The following PLEKHA3 variants were observed in gnomAD, a reference collection of about 807,000 sequenced individuals.
PLEKHA3 encodes the protein pleckstrin homology domain-containing family A member 3.
PLEKHA3 carries 19 observed loss-of-function variants against 39.2 expected under a neutral mutation model. The ratio of observed to expected loss-of-function variants is 0.48; its 90% confidence interval spans 0.34 to 0.71. PLEKHA3 has a LOEUF of 0.71. PLEKHA3 is among the 30% of genes least tolerant of loss of function. PLEKHA3 has a pLI of 0.01. For missense variants in PLEKHA3, 253 were observed against 359.5 expected (o/e 0.70, Z 2.40); for synonymous variants, 97 against 118.6 (o/e 0.82, Z 1.18).
rs1666882737 is a variant in PLEKHA3 at position 178,510,522 on chromosome 2, T to A, written c.*6635T>A. 1 of 153,782 alleles carries A rather than the reference T, an allele frequency of 6.5e-6. No homozygotes were observed. Among genetic ancestry groups the A allele is most frequent in the South Asian group, 2.1e-4 (1 of 4,834 alleles). 9.5% of individuals were successfully genotyped at this position (153,782 alleles called of 1,614,324 possible). A position where few individuals can be genotyped will look rare whatever the true frequency, so the allele number is the denominator to read the frequency against. ...GGCCTACCAGGAGGTGTTTAGGTCA[T>A]GTGGGTACCACCCTCATGAATAGAT... On this transcript the variant is annotated 3_prime_UTR_variant, in exon 8 of 8. Transcript: ENST00000234453.
chr2:178,500,784 T>A lies in PLEKHA3; in HGVS notation c.660-277T>A, dbSNP rs148402869. Among the ~76,000 whole-genome samples the A allele has an allele frequency of 3.3e-5, 5 of 152,172 alleles. No individual in the cohort carries two copies. In the East Asian group the frequency reaches 9.6e-4, roughly 29 times the overall value. Reference sequence around the variant, plus strand: ...TCAAACATTTGTAAACCGACTGATATGTCTGCTCTCTGGAGTCTCCCCTAC... The same window carrying A: ...TCAAACATTTGTAAACCGACTGATAAGTCTGCTCTCTGGAGTCTCCCCTAC... On this transcript the variant is annotated intron_variant, in intron 6 of 7. Coordinates refer to ENST00000234453, the MANE Select transcript of PLEKHA3 (RefSeq NM_019091.4).
At chr2:178,485,888 T>C in intron 2 of PLEKHA3, 131 bp downstream of exon 2, 1 of 601,798 alleles carries the variant, frequency 1.7e-6, no homozygotes, top group Admixed American at 2.5e-5. Context: ...TCCTTAGCAG[T>C]CAGGAGTGGC....
chr2:178,491,772 T>G (rs1162540124), intron 3 of PLEKHA3, among the ~76,000 whole-genome samples: 1 of 152,158 alleles, frequency 6.6e-6, no homozygotes, highest in African/African-American at 2.4e-5. Context: ...CTCATGGCCC[T>G]AGAGGCTGGA....
chr2:178,481,369 G>T (rs1351676909), intron 1 of PLEKHA3, among the ~76,000 whole-genome samples: 1 of 151,908 alleles, frequency 6.6e-6, no homozygotes, highest in African/African-American at 2.4e-5. Flanking sequence ...TATTTAAAAC[G>T]TTGTCTTGTT....
chr2:178,498,622 ATTCT>A (rs1340784849), intron 5 of PLEKHA3, among the ~76,000 whole-genome samples: 1 of 152,062 alleles, frequency 6.6e-6, no homozygotes, highest in Non-Finnish European at 1.5e-5. Flanking sequence ...TTAATTAGGT[ATTCT>A]TTATTTTTTT....
chr2:178,486,483 C>G (rs1685251942), intron 2 of PLEKHA3, among the ~76,000 whole-genome samples: 1 of 152,158 alleles, frequency 6.6e-6, no homozygotes. Flanking sequence ...GAATACTTGT[C>G]CTTCATGAAG....
intron 1 of PLEKHA3, among the ~76,000 whole-genome samples, chr2:178,484,390 C>T (rs1422512765): frequency 6.6e-6 from 1 of 152,178 alleles, no homozygotes; most frequent in Non-Finnish European, 1.5e-5. Flanking sequence ...TGTATTACTG[C>T]ATTCCCTGCC....
chr2:178,511,605 A>T lies in PLEKHA3; in HGVS notation c.*7718A>T, dbSNP rs1330209824. ...AGGGTGGTCTCAAACTCCTAAGCTC[A>T]GGAGATCCGCCTGCCTCAGCCTTTG... On this transcript the variant is annotated 3_prime_UTR_variant, in exon 8 of 8. Coordinates refer to ENST00000234453, the MANE Select transcript of PLEKHA3 (RefSeq NM_019091.4). 1 of 152,356 alleles carries T rather than the reference A, an allele frequency of 6.6e-6. No homozygotes were observed. The highest frequency in any genetic ancestry group is 1.5e-5 in the Non-Finnish European group (1 of 68,064). 9.4% of individuals were successfully genotyped at this position (152,356 alleles called of 1,614,324 possible). A position where few individuals can be genotyped will look rare whatever the true frequency, so the allele number is the denominator to read the frequency against.
chr2:178,503,723 G>T, intron 7 of PLEKHA3, 37 bp from the exon 8 acceptor site: 2 of 1,602,508 alleles, frequency 1.2e-6, no homozygotes, highest in South Asian at 2.2e-5. Flanking sequence ...AGTTAATATT[G>T]ACAGGATGTT....
In PLEKHA3 at chr2:178,508,852, G is replaced by C. The variant is rs1685641973; in HGVS notation, c.*4965G>C. The stretch of plus-strand genomic sequence containing the variant: ...TTCCTGTCAGTGGAGGTTGAGGGTG[G>C]GGCGTAGGCTGGCTGTGGAGAGTAG... On this transcript the variant is annotated 3_prime_UTR_variant, in exon 8 of 8. Coordinates refer to ENST00000234453, the MANE Select transcript of PLEKHA3 (RefSeq NM_019091.4). The C allele has an allele frequency of 6.5e-6, 1 of 153,754 alleles. No homozygotes were observed. The highest frequency in any genetic ancestry group is 2.1e-4 in the South Asian group (1 of 4,822). The allele number at this position is 153,754 out of a possible 1,614,324, so 9.5% of individuals were successfully genotyped here.
intron 6 of PLEKHA3, among the ~76,000 whole-genome samples, chr2:178,499,598 A>G (rs916547816): frequency 1.3e-5 from 2 of 152,148 alleles, no homozygotes; most frequent in African/African-American, 4.8e-5. Flanking sequence ...AGATTATAAT[A>G]CCATATTTTT....
chr2:178,488,215 G>A (rs748362120), intron 2 of PLEKHA3, among the ~76,000 whole-genome samples: 3 of 152,156 alleles, frequency 2.0e-5, no homozygotes, highest in Admixed American at 2.0e-4. Context: ...TTGATATGTA[G>A]GAGTTCTTTG....
rs996856704 is a variant in PLEKHA3, at chr2:178,505,744, C to T, written c.*1857C>T. On this transcript the variant is annotated 3_prime_UTR_variant, in exon 8 of 8. Transcript: ENST00000234453. ...ATCACATCCATTTTCTATTGCTTTACCCAAATAGATGGGTTCGTGAAGAGT... is the reference window on the plus strand; with the variant it reads ...ATCACATCCATTTTCTATTGCTTTATCCAAATAGATGGGTTCGTGAAGAGT... The T allele has an allele frequency of 4.0e-5, 6 of 151,694 alleles. No homozygotes were observed. The highest frequency in any genetic ancestry group is 7.4e-5 in the Non-Finnish European group (5 of 67,814). The allele number at this position is 151,694 out of a possible 1,614,324, so 9.4% of individuals were successfully genotyped here.
chr2:178,501,277 C>T (rs1360482344), intron 7 of PLEKHA3, 101 bp downstream of exon 7: 2 of 791,226 alleles, frequency 2.5e-6, no homozygotes, highest in African/African-American at 3.5e-5. Flanking sequence ...GAACATTGTA[C>T]TTTGTTTCTT....
In PLEKHA3 at chr2:178,510,653, A is replaced by G. The variant is rs1030417975; in HGVS notation, c.*6766A>G. On this transcript the variant is annotated 3_prime_UTR_variant, in exon 8 of 8. Coordinates refer to ENST00000234453, the MANE Select transcript of PLEKHA3 (RefSeq NM_019091.4). The stretch of plus-strand genomic sequence containing the variant: ...ACGTAGTGCTCTACATAGTGTTGGA[A>G]GCGAGAGACTGAGCCCTAACATGCC... The G allele has an allele frequency of 2.0e-5, 3 of 153,792 alleles. No homozygotes were observed. The highest frequency in any genetic ancestry group is 6.5e-5 in the Admixed American group (1 of 15,288). The allele number at this position is 153,792 out of a possible 1,614,324, so 9.5% of individuals were successfully genotyped here.
In PLEKHA3 at chr2:178,507,658, G is replaced by GTTTTTTTTTTTTTTT. The variant is rs35052196; in HGVS notation, c.*3793_*3807dup. ...CCTTTAGTTTTTAGTCTCACATTAG[G>GTTTTTTTTTTTTTTT]TTTTTTTTTTTTTTTTTTTTTTTTT... On this transcript the variant is annotated 3_prime_UTR_variant, in exon 8 of 8. Transcript: ENST00000234453. 34 of 28,818 alleles carry GTTTTTTTTTTTTTTT rather than the reference G, an allele frequency of 1.2e-3. 13 individuals are homozygous for GTTTTTTTTTTTTTTT. Among genetic ancestry groups the GTTTTTTTTTTTTTTT allele is most frequent in the African/African-American group, 1.4e-3 (15 of 10,518 alleles). 1.8% of individuals were successfully genotyped at this position (28,818 alleles called of 1,614,324 possible). A position where few individuals can be genotyped will look rare whatever the true frequency, so the allele number is the denominator to read the frequency against.
rs575156466 is a variant in PLEKHA3 at position 178,490,891 on chromosome 2, A to G, written c.313+77A>G. The stretch of plus-strand genomic sequence containing the variant: ...TAAATGTAACTAAATTAGCCTGTCC[A>G]CTTTTAGTATCTATCCCAAGGAAAT... On this transcript the variant is annotated intron_variant, in intron 3 of 7. Transcript: ENST00000234453. The G allele has an allele frequency of 1.1e-5, 13 of 1,132,398 alleles. No homozygotes were observed. The Admixed American group carries it at 3.5e-4, about 31-fold the overall frequency. The allele number at this position is 1,132,398 out of a possible 1,614,324, so 70.1% of individuals were successfully genotyped here. A position where few individuals can be genotyped will look rare whatever the true frequency, so the allele number is the denominator to read the frequency against.
At position 178,503,861 on chromosome 2, in the gene PLEKHA3, G is replaced by C; in HGVS notation, c.877G>C (p.Asp293His). The change falls in exon 8 of 8, where the codon GAT (aspartate) becomes CAT (histidine). Residue 293 changes from aspartate to histidine, a missense_variant. Around this residue, in one of 2 missense-constraint regions of PLEKHA3, gnomAD observed 127 missense variants for 136.8 expected, o/e 0.93. Coordinates refer to ENST00000234453, the MANE Select transcript of PLEKHA3 (RefSeq NM_019091.4). ...LMAKKQSESE[D>H]TLPSFSS ...GGCCAAAAAACAATCTGAATCAGAA[G>C]ATACTCTTCCATCCTTCTCTTCCTG... 1 of 1,611,676 alleles carries C rather than the reference G, an allele frequency of 6.2e-7. No individual in the cohort carries two copies. The highest frequency in any genetic ancestry group is 8.5e-7 in the Non-Finnish European group (1 of 1,178,206).
chr2:178,496,174 G>C (rs1685443148), intron 5 of PLEKHA3, among the ~76,000 whole-genome samples: 1 of 152,186 alleles, frequency 6.6e-6, no homozygotes, highest in African/African-American at 2.4e-5. Flanking sequence ...GTGTATATCA[G>C]AGAGTCACTG....
Sources: gnomAD v4.1 joint callset for allele counts (sites outside exome capture counted in the v4.1 genomes callset) on GRCh38, gnomAD v4.1.1 for gene constraint, gnomAD v4.1.1 regional missense constraint, MANE v1.5 for transcripts, NCBI Gene and HGNC (gene_info 2026-07-23, HGNC 2026-07-21) for gene names.